SERPINA6: variants seen among roughly 807,000 people sequenced by gnomAD.
SERPINA6 encodes the protein serpin family A member 6.
Under a neutral mutation model 26.4 loss-of-function variants are expected in SERPINA6, and 19 were observed. The ratio of observed to expected loss-of-function variants is 0.72; its 90% CI spans 0.50 to 1.06. SERPINA6 has a LOEUF of 1.06. SERPINA6 is among the 50% of genes least tolerant of loss of function. The pLI is 0.00. For synonymous variants in SERPINA6, 196 were observed against 199.4 expected, an observed-to-expected ratio of 0.98 and a Z score of 0.14; for missense variants, 473 against 504.0, an observed-to-expected ratio of 0.94 and a Z score of 0.59.
intron 2 of SERPINA6, 75 bp from the exon 3 acceptor site, chr14:94,310,081 C>G: frequency 6.8e-7 from 1 of 1,462,116 alleles, no homozygotes; most frequent in Non-Finnish European, 9.5e-7. Flanking sequence ...GGCCTACTAT[C>G]CAAGTGACAC....
chr14:94,308,499 C>T (rs147713733), intron 3 of SERPINA6, among the ~76,000 whole-genome samples: 1 of 150,634 alleles, frequency 6.6e-6, no homozygotes, highest in Non-Finnish European at 1.5e-5. Flanking sequence ...GATCCACCAG[C>T]CTTCCTGAGC....
intron 2 of SERPINA6, among the ~76,000 whole-genome samples, chr14:94,312,483 C>T (rs903986632): frequency 1.3e-5 from 2 of 152,220 alleles, no homozygotes; most frequent in African/African-American, 2.4e-5. Flanking sequence ...TGGAATCTCC[C>T]AAAGAGACAA....
chr14:94,315,699 C>T (rs961724876), intron 1 of SERPINA6, among the ~76,000 whole-genome samples: 2 of 152,096 alleles, frequency 1.3e-5, no homozygotes, highest in South Asian at 4.1e-4. Context: ...GGTGACTACA[C>T]TAATATTAGA....
chr14:94,319,232 T>C (rs1409785521), intron 1 of SERPINA6, among the ~76,000 whole-genome samples: 2 of 152,196 alleles, frequency 1.3e-5, no homozygotes, highest in African/African-American at 4.8e-5. Flanking sequence ...GCAGGAGGAA[T>C]GCTTGAGGCC....
chr14:94,307,539 G>A (rs8023023), intron 3 of SERPINA6, among the ~76,000 whole-genome samples: 72,152 of 152,138 alleles, frequency 0.47, 18,291 homozygotes, highest in East Asian at 0.93. Flanking sequence ...AGTCCTTCCC[G>A]TCATTTTCAG....
Position 94,309,745 on chromosome 14 carries a change from A to G in SERPINA6, c.875T>C (p.Leu292Pro). The change falls in exon 3 of 5, where the codon CTG (leucine) becomes CCG (proline). Residue 292 changes from leucine (L) to proline (P), a missense_variant. Leu to Pro is a moderately conservative substitution (Grantham distance 98). Coordinates refer to ENST00000341584, the MANE Select transcript of SERPINA6 (RefSeq NM_001756.4). ...TGGCTGGAGGACTTACCTGCTGGTCAGGCCTGCGGACCACCTGTTAATCGT... is the reference window on the plus strand; with the variant it reads ...TGGCTGGAGGACTTACCTGCTGGTCGGGCCTGCGGACCACCTGTTAATCGT... ...RDTINRWSAG[L>P]TSSQVDLYIP... is the part of the protein sequence containing the mutation. The G allele has an allele frequency of 1.9e-6, 3 of 1,614,068 alleles. No individual in the cohort carries two copies. The highest frequency in any genetic ancestry group is 1.7e-6 in the Non-Finnish European group (2 of 1,180,022).
chr14:94,310,794 TGA>T (rs769492448), intron 2 of SERPINA6, among the ~76,000 whole-genome samples: 1 of 152,214 alleles, frequency 6.6e-6, no homozygotes, highest in African/African-American at 2.4e-5. Context: ...TTACCTGGGC[TGA>T]GTGTCACAGG....
chr14:94,309,392 A>G (rs2139717847), intron 3 of SERPINA6, among the ~76,000 whole-genome samples: 1 of 152,318 alleles, frequency 6.6e-6, no homozygotes. Flanking sequence ...TAAGCAAGAT[A>G]ACAAAACAGA....
rs529366030 is a variant in SERPINA6, at chr14:94,315,294, A to G, written c.-19-627T>C. On this transcript the variant is annotated intron_variant, in intron 1 of 4. Coordinates refer to ENST00000341584, the MANE Select transcript of SERPINA6 (RefSeq NM_001756.4). ...GTTACATCAGTAACTGGAAACAGGA[A>G]CAGAGCTATAAGGAAGCAGAGCTTT... 9.8e-4 allele frequency among the ~76,000 whole-genome samples: 149 copies of G among 152,376 alleles called. No individual in the cohort carries two copies. In the East Asian group the frequency reaches 0.028, roughly 28 times the overall value.
intron 1 of SERPINA6, among the ~76,000 whole-genome samples, chr14:94,315,690 G>A (rs571924396): frequency 6.6e-5 from 10 of 152,226 alleles, no homozygotes; most frequent in African/African-American, 2.4e-4. Context: ...GAGAGCAGGG[G>A]TGACTACACT....
Position 94,304,414 on chromosome 14 carries a change from T to G in SERPINA6, c.*4A>C, listed in dbSNP as rs1192548807. The G allele has an allele frequency of 1.2e-6, 2 of 1,613,924 alleles. No homozygotes were observed. The highest frequency in any genetic ancestry group is 2.2e-5 in the South Asian group (2 of 91,056). On this transcript the variant is annotated 3_prime_UTR_variant, in exon 5 of 5. Coordinates refer to ENST00000341584, the MANE Select transcript of SERPINA6 (RefSeq NM_001756.4). ...CAGTGCTGAGGCTCTGGGTGGGTGG[T>G]CTCTTACACTGGGTTCATAACCCTC...
In SERPINA6 at chr14:94,310,126, A is replaced by G. The variant is rs569626946; in HGVS notation, c.614-120T>C. 4 of 995,396 alleles carry G rather than the reference A, an allele frequency of 4.0e-6. No homozygotes were observed. The African/African-American group carries it at 4.8e-5, about 12-fold the overall frequency. The allele number at this position is 995,396 out of a possible 1,614,324, so 61.7% of individuals were successfully genotyped here. On this transcript the variant is annotated intron_variant, in intron 2 of 4. Transcript: ENST00000341584. ...CTGCATGCTTGGAATGTCCCCATTC[A>G]AGCCTCAAGGGTTTTTAGGTAAGAT... is the stretch of plus-strand genomic sequence containing the variant.
intron 4 of SERPINA6, among the ~76,000 whole-genome samples, chr14:94,305,119 A>C (rs1244655019): frequency 2.0e-5 from 3 of 152,222 alleles, no homozygotes; most frequent in Non-Finnish European, 2.9e-5. Flanking sequence ...TTGTATCAAA[A>C]GACTCTGGTA....
rs769978145 is a variant in SERPINA6, at chr14:94,314,110, C to T, written c.539G>A (p.Gly180Glu). 2.6e-5 allele frequency: 42 copies of T among 1,614,038 alleles called. No homozygotes were observed. Among genetic ancestry groups the T allele is most frequent in the Middle Eastern group, 1.6e-4 (1 of 6,084 alleles). The change falls in exon 2 of 5, where the codon GGG (glycine) becomes GAG (glutamate). Residue 180 changes from glycine (G) to glutamate (E), a missense_variant. Gly to Glu is a moderately conservative substitution (Grantham distance 98). Transcript: ENST00000341584. ...INSYVKNKTQGKIVDLFSGLD... is the reference protein window; with the variant it reads ...INSYVKNKTQEKIVDLFSGLD... The stretch of plus-strand genomic sequence containing the variant: ...CCCTGAAAACAAGTCGACAATTTTC[C>T]CCTGTGTCTTATTCTTGACATAGCT...
chr14:94,308,046 T>A (rs1895467452), intron 3 of SERPINA6, among the ~76,000 whole-genome samples: 1 of 152,252 alleles, frequency 6.6e-6, no homozygotes, highest in Non-Finnish European at 1.5e-5. Flanking sequence ...AAATTTGTCT[T>A]CATTACTGCT....
chr14:94,322,591 G>A (rs1333796514), intron 1 of SERPINA6, among the ~76,000 whole-genome samples: 3 of 152,226 alleles, frequency 2.0e-5, no homozygotes, highest in Non-Finnish European at 4.4e-5. Flanking sequence ...TGCATTTCAT[G>A]TCAAGTATGC....
At chr14:94,316,844 C>T (rs1383450765) in intron 1 of SERPINA6, among the ~76,000 whole-genome samples, 1 of 152,196 alleles carries the variant, frequency 6.6e-6, no homozygotes, top group Admixed American at 6.5e-5. Flanking sequence ...CAGCCCTGAA[C>T]ACTGGGCCTC....
At position 94,310,025 on chromosome 14, in the gene SERPINA6, A is replaced by T. The variant is rs1164062056; in HGVS notation, c.614-19T>A. 6.2e-7 allele frequency: 1 copy of T among 1,613,648 alleles called. No homozygotes were observed. The highest frequency in any genetic ancestry group is 2.2e-5 in the East Asian group (1 of 44,858). ...CATGTGCCTAGGAAGAGGAGGAGAC[A>T]GGTCTGTAGGGCAGAGAGGAAAACA... On this transcript the variant is annotated intron_variant, in intron 2 of 4. Transcript: ENST00000341584.
chr14:94,311,708 G>T (rs1428409537), intron 2 of SERPINA6, among the ~76,000 whole-genome samples: 1 of 152,158 alleles, frequency 6.6e-6, no homozygotes, highest in Admixed American at 6.5e-5. Context: ...GGGAGGCCGA[G>T]GCGGGTGGAT....
Sources: gnomAD v4.1 joint callset for allele counts (sites outside exome capture counted in the v4.1 genomes callset) on GRCh38, gnomAD v4.1.1 for gene constraint, MANE v1.5 for transcripts, NCBI Gene and HGNC (gene_info 2026-07-23, HGNC 2026-07-21) for gene names.